Variants in EEFSEC observed in about 807,000 individuals in gnomAD.
EEFSEC encodes eukaryotic elongation factor, selenocysteine-tRNA specific.
In EEFSEC, 43 loss-of-function variants were observed where a neutral mutation model predicts 42.1. That is an observed-to-expected ratio of 1.02 (90% confidence interval 0.80 to 1.32). The LOEUF is 1.32. Among genes scored for constraint, EEFSEC ranks in the 40% most tolerant of loss-of-function variants. The pLI, the probability that EEFSEC is intolerant of heterozygous loss-of-function variation, is 0.00. For synonymous variants in EEFSEC, 354 were observed against 339.1 expected (o/e 1.04, Z -0.48); for missense variants, 745 against 803.6 (o/e 0.93, Z 0.88).
chr3:128,359,420 CTG>C (rs923906750), intron 6 of EEFSEC, among the ~76,000 whole-genome samples: 1 of 152,120 alleles, frequency 6.6e-6, no homozygotes, highest in African/African-American at 2.4e-5. Context: ...CTTACCCTGT[CTG>C]TGGAATAGAA....
downstream of EEFSEC, among the ~76,000 whole-genome samples, chr3:128,413,451 C>A (rs1032638597): frequency 6.6e-6 from 1 of 152,142 alleles, no homozygotes; most frequent in Non-Finnish European, 1.5e-5. Flanking sequence ...CCCTAGATCA[C>A]TACCTCCCAC....
intron 4 of EEFSEC, among the ~76,000 whole-genome samples, chr3:128,316,706 G>A (rs569145491): frequency 2.9e-4 from 44 of 152,256 alleles, no homozygotes; most frequent in Middle Eastern, 3.4e-3. Context: ...GACCTGGGGC[G>A]GTGAGCCAGC....
intron 1 of EEFSEC, among the ~76,000 whole-genome samples, chr3:128,236,343 C>T (rs1201834649): frequency 1.3e-5 from 2 of 152,178 alleles, no homozygotes; most frequent in Non-Finnish European, 2.9e-5. Context: ...AGCCACATAG[C>T]CTGACTTTGA....
intron 6 of EEFSEC, chr3:128,362,287 G>T (rs1285620408): frequency 1.0e-5 from 5 of 498,016 alleles, no homozygotes; most frequent in Middle Eastern, 7.2e-4. Flanking sequence ...TTCCCACTTT[G>T]CAGGGAGAAA....
At chr3:128,300,918 A>AT (rs11368911) in intron 4 of EEFSEC, among the ~76,000 whole-genome samples, 74,315 of 150,850 alleles carry the variant, frequency 0.49, 19,894 homozygotes, top group Non-Finnish European at 0.6. Context: ...ATGCTTGGGT[A>AT]TTTTTTTTTG....
At chr3:128,219,453 C>T (rs1052823697) in intron 1 of EEFSEC, among the ~76,000 whole-genome samples, 2 of 152,200 alleles carry the variant, frequency 1.3e-5, no homozygotes, top group African/African-American at 4.8e-5. Context: ...TCTGCAGCCA[C>T]TTGGGTCTTC....
rs60095294 is a variant in EEFSEC at position 128,257,008 on chromosome 3, G to A, written c.525-5120G>A. 4.1e-3 allele frequency among the ~76,000 whole-genome samples: 629 copies of A among 152,282 alleles called. 6 individuals carry two copies. The highest frequency in any genetic ancestry group is 0.02 in the Middle Eastern group (6 of 294). ...GATCCTCCTGCCTCTGCCTCCCAAA[G>A]TGCTGGTATTACAGGTGTGAGCCAC... is the stretch of plus-strand genomic sequence containing the variant. On this transcript the variant is annotated intron_variant, in intron 2 of 6. Transcript: ENST00000254730.
At chr3:128,163,092 G>A (rs576937133) in intron 1 of EEFSEC, among the ~76,000 whole-genome samples, 1 of 152,210 alleles carries the variant, frequency 6.6e-6, no homozygotes, top group African/African-American at 2.4e-5. Flanking sequence ...CAACCAGGCT[G>A]GGGATGAGAT....
At chr3:128,220,178 A>G (rs1225570018) in intron 1 of EEFSEC, among the ~76,000 whole-genome samples, 1 of 152,192 alleles carries the variant, frequency 6.6e-6, no homozygotes, top group Non-Finnish European at 1.5e-5. Flanking sequence ...TAAGTGGTGG[A>G]GCAGAGACTT....
chr3:128,323,262 A>G (rs987413946), intron 4 of EEFSEC, among the ~76,000 whole-genome samples: 2 of 152,140 alleles, frequency 1.3e-5, no homozygotes, highest in East Asian at 1.9e-4. Flanking sequence ...TCTCTTGCAT[A>G]TGGGAAATGG....
intron 4 of EEFSEC, among the ~76,000 whole-genome samples, chr3:128,314,974 C>T (rs1559916264): frequency 6.6e-6 from 1 of 152,178 alleles, no homozygotes; most frequent in South Asian, 2.1e-4. Flanking sequence ...ATCCACACCA[C>T]CTGCTCTTCA....
chr3:128,369,584 A>T (rs1379765889), intron 6 of EEFSEC, among the ~76,000 whole-genome samples: 1 of 152,192 alleles, frequency 6.6e-6, no homozygotes, highest in African/African-American at 2.4e-5. Flanking sequence ...CCACACTGGG[A>T]TGTGGGTAGC....
chr3:128,334,350 G>A (rs769855358), intron 4 of EEFSEC, among the ~76,000 whole-genome samples: 3 of 152,204 alleles, frequency 2.0e-5, no homozygotes, highest in Non-Finnish European at 4.4e-5. Context: ...GGCTCTACAT[G>A]TTCAATCACT....
chr3:128,350,459 G>C (rs888533175), intron 5 of EEFSEC, among the ~76,000 whole-genome samples: 1 of 152,188 alleles, frequency 6.6e-6, no homozygotes, highest in Admixed American at 6.5e-5. Flanking sequence ...TGGCTCCCAG[G>C]CTACTTGAGA....
intron 1 of EEFSEC, among the ~76,000 whole-genome samples, chr3:128,240,142 C>G (rs1016981779): frequency 6.6e-6 from 1 of 152,250 alleles, no homozygotes; most frequent in African/African-American, 2.4e-5. Context: ...TCTCTCCTCC[C>G]CTTTCCCCTT....
chr3:128,156,872 G>A (rs943605432), intron 1 of EEFSEC, among the ~76,000 whole-genome samples: 6 of 152,162 alleles, frequency 3.9e-5, no homozygotes, highest in South Asian at 2.1e-4. Context: ...GCCTTTATGC[G>A]TTCAAGGGAA....
chr3:128,164,101 G>T (rs907621727), intron 1 of EEFSEC, among the ~76,000 whole-genome samples: 1 of 152,138 alleles, frequency 6.6e-6, no homozygotes, highest in Non-Finnish European at 1.5e-5. Context: ...GAGACATTTG[G>T]GCTGGTAGGC....
chr3:128,263,473 ACTTT>A (rs1354867144), intron 3 of EEFSEC, among the ~76,000 whole-genome samples: 1 of 152,218 alleles, frequency 6.6e-6, no homozygotes, highest in Non-Finnish European at 1.5e-5. Flanking sequence ...GGCTTTTGTT[ACTTT>A]TTCATCAGGC....
At chr3:128,413,503 C>T (rs1429876579), downstream of EEFSEC, among the ~76,000 whole-genome samples, 1 of 152,160 alleles carries the variant, frequency 6.6e-6, no homozygotes, top group Non-Finnish European at 1.5e-5. Context: ...AGGAGGCTGT[C>T]GGGCCGGCCC....
Sources: gnomAD v4.1 joint callset for allele counts (sites outside exome capture counted in the v4.1 genomes callset) on GRCh38, gnomAD v4.1.1 for gene constraint, MANE v1.5 for transcripts, NCBI Gene and HGNC (gene_info 2026-07-23, HGNC 2026-07-21) for gene names.